Variants in FBXL12 observed in about 807,000 individuals in gnomAD.
The protein encoded by FBXL12 is F-box and leucine rich repeat protein 12, also known as F-box/LRR-repeat protein 12.
A neutral mutation model predicts 24.9 loss-of-function variants in FBXL12; 22 were observed. That is an observed-to-expected ratio of 0.88 (90% confidence interval 0.63 to 1.26). The LOEUF (loss-of-function observed/expected upper bound fraction) is 1.26, where lower values mean the gene tolerates loss of function less well. FBXL12 is among the 50% of genes most tolerant of loss of function. FBXL12 has a pLI of 0.00. For missense variants in FBXL12, 384 were observed against 434.1 expected (o/e 0.88, Z 1.03); for synonymous variants, 193 against 193.8 (o/e 1.00, Z 0.03).
Position 9,811,073 on chromosome 19 carries a change from C to G in FBXL12, c.804G>C (p.Met268Ile), listed in dbSNP as rs780493783. 25 of 1,611,272 alleles carry G rather than the reference C, an allele frequency of 1.6e-5. No individual in the cohort carries two copies. The Admixed American group carries it at 4.2e-4, about 27-fold the overall frequency. ...AGGAGAGGATTTCAGTGGGGGAGGGCATTTCTGGGGTGACGAGGGGACCCT... is the reference window on the plus strand; with the variant it reads ...AGGAGAGGATTTCAGTGGGGGAGGGGATTTCTGGGGTGACGAGGGGACCCT... Reference protein sequence around the residue: ...CLQGPLVTPEMPSPTEILSSC... With the variant: ...CLQGPLVTPEIPSPTEILSSC... Residue 268 changes from methionine to isoleucine, a missense_variant, in exon 3 of 3, where the codon ATG (methionine) becomes ATC (isoleucine). Physicochemically the swap from Met to Ile is conservative, Grantham distance 10. Transcript: ENST00000247977. This position sits in a 1 kb window ranked among gnomAD's most constrained non-coding sequence, Gnocchi z 6.0.
chr19:9,814,463 T>C (rs2045834245), intron 2 of FBXL12: 1 of 151,874 alleles, frequency 6.6e-6, no homozygotes, highest in South Asian at 2.1e-4. Context: ...TGAACTGAGA[T>C]CGCACCACTG....
chr19:9,813,267 CATAGGGCCTAATGGAAAA>C (rs1394715798), intron 2 of FBXL12: 1 of 1,231,002 alleles, frequency 8.1e-7, no homozygotes, highest in African/African-American at 1.6e-5. Context: ...TACTTGGCAT[CATAGGGCCTAATGGAAAA>C]AGGAAAATTG....
rs528174497 is a variant in FBXL12 at position 9,818,873 on chromosome 19, C to T, written c.-60G>A. The T allele has an allele frequency of 2.1e-4, 303 of 1,472,534 alleles. No homozygotes were observed. The highest frequency in any genetic ancestry group is 2.7e-4 in the Non-Finnish European group (296 of 1,092,658). The allele number at this position is 1,472,534 out of a possible 1,614,324, so 91.2% of individuals were successfully genotyped here. On this transcript the variant is annotated 5_prime_UTR_variant, in exon 1 of 3. Transcript: ENST00000247977. ...AGAGACCCGAGGGGTCCTGGGGGCG[C>T]CGAGGCGGCTGACAGGGCGGCGGCC...
chr19:9,816,908 G>A (rs970518792), intron 2 of FBXL12, among the ~76,000 whole-genome samples: 6 of 152,146 alleles, frequency 3.9e-5, no homozygotes, highest in Non-Finnish European at 8.8e-5. Context: ...AATCATGGCG[G>A]GAGGTGAAAG....
intron 2 of FBXL12, among the ~76,000 whole-genome samples, chr19:9,815,351 C>T (rs1027349469): frequency 6.6e-6 from 1 of 152,234 alleles, no homozygotes; most frequent in Middle Eastern, 3.2e-3. Context: ...CAGGGTACAG[C>T]CTCCCTCCCA....
At chr19:9,818,149 C>T (rs2045921957) in intron 2 of FBXL12, 2 of 403,078 alleles carry the variant, frequency 5.0e-6, no homozygotes, top group African/African-American at 2.1e-5. Context: ...GAGGTCGAGG[C>T]TGCAATCGCA....
In FBXL12 at chr19:9,818,790, C is replaced by A; in HGVS notation, c.24G>T (p.Pro8=). Residue 8 remains proline, a synonymous_variant, in exon 1 of 3, where the codon CCG becomes CCT. Coordinates refer to ENST00000247977, the MANE Select transcript of FBXL12 (RefSeq NM_017703.3). MATLVEL[P]DSVLLEIFSY... ...AGAAGATCTCGAGCAGGACCGAGTCCGGCAGTTCGACCAAAGTCGCCATGA... is the reference window on the plus strand; with the variant it reads ...AGAAGATCTCGAGCAGGACCGAGTCAGGCAGTTCGACCAAAGTCGCCATGA... 1 of 1,554,550 alleles carries A rather than the reference C, an allele frequency of 6.4e-7. No individual in the cohort carries two copies. Among genetic ancestry groups the A allele is most frequent in the South Asian group, 1.2e-5 (1 of 84,526 alleles).
Position 9,810,885 on chromosome 19 carries a change from A to C in FBXL12, c.*11T>G. 6.4e-7 allele frequency: 1 copy of C among 1,560,900 alleles called. No homozygotes were observed. Among genetic ancestry groups the C allele is most frequent in the Non-Finnish European group, 8.7e-7 (1 of 1,143,164 alleles). ...GAAAACTGGGATGGGTCCCAAGGGC[A>C]GGTGGAGTAGTTACATCCACCAGTC... On this transcript the variant is annotated 3_prime_UTR_variant, in exon 3 of 3. Coordinates refer to ENST00000247977, the MANE Select transcript of FBXL12 (RefSeq NM_017703.3).
rs573657382 is a variant in FBXL12 at position 9,811,355 on chromosome 19, G to A, written c.522C>T (p.Arg174=). The change falls in exon 3 of 3, where the codon CGC becomes CGT. Residue 174 remains arginine (R), a synonymous_variant. Transcript: ENST00000247977. This position sits in a 1 kb window ranked among gnomAD's most constrained non-coding sequence, Gnocchi z 6.0. ...FRDEHLQGLT[R]FRALRSLVLG... Reference sequence around the variant, plus strand: ...GCACCAGCGAGCGCAAGGCCCGGAAGCGCGTCAGGCCCTGCAGGTGCTCGT... The same window carrying A: ...GCACCAGCGAGCGCAAGGCCCGGAAACGCGTCAGGCCCTGCAGGTGCTCGT... 9.3e-6 allele frequency: 15 copies of A among 1,611,270 alleles called. No homozygotes were observed. Among genetic ancestry groups the A allele is most frequent in the African/African-American group, 4.0e-5 (3 of 75,072 alleles).
chr19:9,815,618 T>A (rs1300953443), intron 2 of FBXL12, among the ~76,000 whole-genome samples: 1 of 151,760 alleles, frequency 6.6e-6, no homozygotes, highest in Non-Finnish European at 1.5e-5. Context: ...TTTCCACACA[T>A]CTTCTGAAAT....
chr19:9,813,031 C>A (rs2045794053), intron 2 of FBXL12, among the ~76,000 whole-genome samples: 1 of 152,014 alleles, frequency 6.6e-6, no homozygotes, highest in African/African-American at 2.4e-5. Flanking sequence ...CAAGATCGTG[C>A]CGTTGCACCA....
chr19:9,814,291 G>A (rs979318531), intron 2 of FBXL12: 4 of 152,330 alleles, frequency 2.6e-5, no homozygotes, highest in Admixed American at 2.6e-4. Flanking sequence ...GGCGGATCAC[G>A]AGGTCAGGAG....
chr19:9,817,142 A>G (rs2145380428), intron 2 of FBXL12, among the ~76,000 whole-genome samples: 1 of 152,272 alleles, frequency 6.6e-6, no homozygotes, highest in African/African-American at 2.4e-5. Flanking sequence ...CAGCCAAACC[A>G]TATCATGAAC....
In FBXL12 at chr19:9,818,735, T is replaced by C. The variant is rs780405829; in HGVS notation, c.79A>G (p.Ile27Val). ...SYLPVRDRIR[I>V]SRVCHRWKRL... ...CCGGAGGCGGGGCCGCACCTGGAGATGCGGATCCGGTCCCGTACCGGGAGG... is the reference window on the plus strand; with the variant it reads ...CCGGAGGCGGGGCCGCACCTGGAGACGCGGATCCGGTCCCGTACCGGGAGG... Residue 27 changes from isoleucine (I) to valine (V), a missense_variant, in exon 1 of 3, where the codon ATC becomes GTC. Coordinates refer to ENST00000247977, the MANE Select transcript of FBXL12 (RefSeq NM_017703.3). 1 of 1,546,396 alleles carries C rather than the reference T, an allele frequency of 6.5e-7. No individual in the cohort carries two copies. Among genetic ancestry groups the C allele is most frequent in the East Asian group, 2.4e-5 (1 of 41,178 alleles).
intron 2 of FBXL12, chr19:9,813,346 CT>C (rs925269012): frequency 4.0e-4 from 405 of 1,000,086 alleles, no homozygotes; most frequent in Non-Finnish European, 4.3e-4. Context: ...CTTTTCTTTT[CT>C]TTTTTTTTGA....
chr19:9,818,636 G>A lies in FBXL12; in HGVS notation c.87-19C>T. On this transcript the variant is annotated intron_variant, in intron 1 of 2. Coordinates refer to ENST00000247977, the MANE Select transcript of FBXL12 (RefSeq NM_017703.3). ...ACAGACCCTGGGGGAGGGGACGCGC[G>A]GTTAGAACGACCCCAGCCCCGGGCC... 20 of 1,551,848 alleles carry A rather than the reference G, an allele frequency of 1.3e-5. No individual in the cohort carries two copies. Among genetic ancestry groups the A allele is most frequent in the Non-Finnish European group, 1.7e-5 (19 of 1,147,560 alleles).
chr19:9,813,453 AG>A (rs1220907383), intron 2 of FBXL12: 5 of 316,888 alleles, frequency 1.6e-5, no homozygotes, highest in Non-Finnish European at 2.8e-5. Flanking sequence ...CTCGTGCCTT[AG>A]CCTCCTGAGT....
intron 2 of FBXL12, among the ~76,000 whole-genome samples, chr19:9,816,893 C>T (rs1012130568): frequency 6.6e-6 from 1 of 152,046 alleles, no homozygotes; most frequent in African/African-American, 2.4e-5. Flanking sequence ...CTGGGGAGGC[C>T]TCAAAATCAT....
chr19:9,818,534 G>T lies in FBXL12; in HGVS notation c.159+11C>A, dbSNP rs372732964. The T allele has an allele frequency of 6.7e-4, 1,032 of 1,542,850 alleles. No individual in the cohort carries two copies. Among genetic ancestry groups the T allele is most frequent in the Non-Finnish European group, 8.3e-4 (956 of 1,147,852 alleles). On this transcript the variant is annotated intron_variant, in intron 2 of 2. Transcript: ENST00000247977. Reference sequence around the variant, plus strand: ...ACCGCGGCCCAGGCCCGCCCGGCCAGCTGCGCGTACCGTGTAGAGCGTCAG... The same window carrying T: ...ACCGCGGCCCAGGCCCGCCCGGCCATCTGCGCGTACCGTGTAGAGCGTCAG...
Sources: allele counts gnomAD v4.1 joint callset (sites outside exome capture counted in the v4.1 genomes callset), GRCh38; gene constraint gnomAD v4.1.1; non-coding constraint Gnocchi (gnomAD v3.1); transcripts MANE v1.5; gene names NCBI Gene and HGNC (gene_info 2026-07-23, HGNC 2026-07-21).